The following TANC2 variants were observed in gnomAD, a reference collection of about 807,000 sequenced individuals.
TANC2 encodes protein TANC2.
In TANC2, 26 loss-of-function variants were observed where a neutral mutation model predicts 210.5. That is an observed-to-expected ratio of 0.12 (90% confidence interval 0.09 to 0.17). The LOEUF is 0.17. Ranked by LOEUF, TANC2 falls within the 10% of genes least tolerant of loss-of-function variation. The pLI is 1.00. For missense variants in TANC2, 2,129 were observed against 2,608.9 expected (o/e 0.82, Z 4.01); for synonymous variants, 931 against 967.1 (o/e 0.96, Z 0.69).
chr17:63,421,074 C>A lies in TANC2; in HGVS notation c.5344C>A (p.Pro1782Thr), dbSNP rs769530798. ...TGGAGGATTGACCAAAGAGGATCTTCCACAGCGACCTTCCTCAGCATACCG... is the reference window on the plus strand; with the variant it reads ...TGGAGGATTGACCAAAGAGGATCTTACACAGCGACCTTCCTCAGCATACCG... Residue 1782 changes from proline to threonine, a missense_variant, in exon 28 of 28, where the codon CCA (proline) becomes ACA (threonine). This residue lies in a region of TANC2 where 584 missense variants were observed against 627.3 expected (regional missense o/e 0.93). Coordinates refer to ENST00000689528, the Ensembl canonical transcript of TANC2. The surrounding 1 kb of genome is among the most constrained non-coding windows in gnomAD (Gnocchi z 6.9). 8 of 1,613,988 alleles carry A rather than the reference C, an allele frequency of 5.0e-6. No individual in the cohort carries two copies. The highest frequency in any genetic ancestry group is 6.8e-6 in the Non-Finnish European group (8 of 1,179,892).
At chr17:63,337,818 G>C (rs750490194) in intron 11 of TANC2, among the ~76,000 whole-genome samples, 9 of 152,024 alleles carry the variant, frequency 5.9e-5, no homozygotes, top group Non-Finnish European at 1.0e-4. Context: ...CCCTCTACAT[G>C]CCTATGTGTT....
intron 7 of TANC2, among the ~76,000 whole-genome samples, chr17:63,201,536 C>T (rs2041534299): frequency 6.6e-6 from 1 of 151,686 alleles, no homozygotes; most frequent in African/African-American, 2.4e-5. Context: ...TTATGGCAAG[C>T]TTGGGCATAA....
intron 3 of TANC2, 23 bp from the exon 4 acceptor site, chr17:63,099,152 T>A: frequency 6.2e-7 from 1 of 1,608,132 alleles, no homozygotes; most frequent in Non-Finnish European, 8.5e-7. Context: ...CACCAGCTCT[T>A]TTGTTCCATC....
chr17:63,362,317 G>T (rs937787333), intron 14 of TANC2, among the ~76,000 whole-genome samples: 1 of 152,168 alleles, frequency 6.6e-6, no homozygotes, highest in African/African-American at 2.4e-5. Context: ...TGGTTCATGG[G>T]CAGGCCTGGA....
At chr17:63,102,869 C>A (rs1464785603) in intron 4 of TANC2, among the ~76,000 whole-genome samples, 2 of 152,112 alleles carry the variant, frequency 1.3e-5, no homozygotes, top group African/African-American at 2.4e-5. Context: ...CTTAAAAAAA[C>A]CATCTGTACT....
intron 5 of TANC2, among the ~76,000 whole-genome samples, chr17:63,175,533 CAAAAAA>C (rs57220783): frequency 7.3e-4 from 75 of 103,388 alleles, no homozygotes; most frequent in African/African-American, 2.2e-3. Flanking sequence ...TCTCCCCCGC[CAAAAAA>C]AAAAAAAAAA....
At chr17:63,266,514 G>C (rs1327616547) in intron 8 of TANC2, among the ~76,000 whole-genome samples, 2 of 152,096 alleles carry the variant, frequency 1.3e-5, no homozygotes, top group African/African-American at 4.8e-5. Flanking sequence ...CTTATGCTGA[G>C]GGAATTCTGA....
At chr17:63,311,680 T>G (rs2045129919) in intron 9 of TANC2, among the ~76,000 whole-genome samples, 1 of 152,212 alleles carries the variant, frequency 6.6e-6, no homozygotes, top group Non-Finnish European at 1.5e-5. Flanking sequence ...ACATAAAAGT[T>G]GTACATGAAT....
In TANC2 at chr17:63,413,654, C is replaced by G; in HGVS notation, c.4020+20C>G. ...TATAAGGTGAGGGGAGGGAGGGACA[C>G]AGTTTCTTCAGAACAGCCACTGACT... On this transcript the variant is annotated intron_variant, in intron 25 of 27. Transcript: ENST00000689528. The G allele has an allele frequency of 6.4e-7, 1 of 1,564,266 alleles. No homozygotes were observed. Among genetic ancestry groups the G allele is most frequent in the Non-Finnish European group, 8.7e-7 (1 of 1,150,248 alleles).
At chr17:63,255,783 TG>T (rs2043176355) in intron 8 of TANC2, among the ~76,000 whole-genome samples, 1 of 152,104 alleles carries the variant, frequency 6.6e-6, no homozygotes, top group Non-Finnish European at 1.5e-5. Flanking sequence ...TTGTATTTTT[TG>T]TTTCAATTTC....
chr17:63,388,784 T>A, intron 16 of TANC2, 27 bp downstream of exon 16: 6 of 1,472,302 alleles, frequency 4.1e-6, no homozygotes, highest in Non-Finnish European at 5.5e-6. Context: ...ATTATAAATA[T>A]GATAAGGAAT....
At chr17:63,339,220 T>G (rs1392718706) in intron 11 of TANC2, among the ~76,000 whole-genome samples, 1 of 152,234 alleles carries the variant, frequency 6.6e-6, no homozygotes, top group Non-Finnish European at 1.5e-5. Context: ...ACATTCAAGC[T>G]GAATCTCCCC....
At chr17:62,999,625 CTT>C (rs565569876) in intron 1 of TANC2, among the ~76,000 whole-genome samples, 1 of 146,602 alleles carries the variant, frequency 6.8e-6, no homozygotes, top group Admixed American at 6.8e-5. Flanking sequence ...TTTTTTGTAA[CTT>C]TTTTTTTTTT....
chr17:63,135,487 A>T (rs1261412676), intron 4 of TANC2, among the ~76,000 whole-genome samples: 1 of 152,142 alleles, frequency 6.6e-6, no homozygotes, highest in Admixed American at 6.5e-5. Context: ...TCCTTTCAAA[A>T]GCCATACATT....
At chr17:63,009,469 A>G (rs1440984377) in intron 1 of TANC2, 68 bp from the exon 2 acceptor site, 7 of 1,035,932 alleles carry the variant, frequency 6.8e-6, no homozygotes, top group Non-Finnish European at 1.0e-5. Flanking sequence ...GTTATTGACT[A>G]TAGTCACCCT....
At chr17:63,149,708 A>G (rs1294771659) in intron 4 of TANC2, 2 of 152,152 alleles carry the variant, frequency 1.3e-5, no homozygotes, top group Non-Finnish European at 2.9e-5. Flanking sequence ...AGAGATTCTA[A>G]TATTGGCTAT....
intron 14 of TANC2, among the ~76,000 whole-genome samples, chr17:63,378,407 AC>A (rs2047494317): frequency 6.6e-6 from 1 of 152,148 alleles, no homozygotes; most frequent in East Asian, 1.9e-4. Flanking sequence ...GAAAAAAAAA[AC>A]AAAATTCCAA....
chr17:63,050,517 T>A (rs550330537), intron 2 of TANC2, among the ~76,000 whole-genome samples: 145 of 152,208 alleles, frequency 9.5e-4, no homozygotes, highest in Admixed American at 1.8e-3. Context: ...CAATGGAATA[T>A]ATATGGCAAA....
At chr17:62,995,574 A>G (rs1042915237) in intron 1 of TANC2, among the ~76,000 whole-genome samples, 1 of 152,198 alleles carries the variant, frequency 6.6e-6, no homozygotes, top group Non-Finnish European at 1.5e-5. Flanking sequence ...AGAAAGAGAA[A>G]GCAGTACATG....
Sources: allele counts gnomAD v4.1 joint callset (sites outside exome capture counted in the v4.1 genomes callset), GRCh38; gene constraint gnomAD v4.1.1; regional missense constraint gnomAD v4.1.1; non-coding constraint Gnocchi (gnomAD v3.1); transcripts MANE v1.5; gene names NCBI Gene and HGNC (gene_info 2026-07-23, HGNC 2026-07-21).